Variants in ADAMTS2 observed in about 807,000 individuals in gnomAD.
The protein encoded by ADAMTS2 is A disintegrin and metalloproteinase with thrombospondin motifs 2.
A neutral mutation model predicts 123.0 loss-of-function variants in ADAMTS2; 50 were observed. The ratio of observed to expected loss-of-function variants is 0.41; its 90% CI spans 0.32 to 0.51. The LOEUF (loss-of-function observed/expected upper bound fraction) is 0.51, where lower values mean the gene tolerates loss of function less well. ADAMTS2 is among the 20% of genes least tolerant of loss of function. The pLI, the probability that ADAMTS2 is intolerant of heterozygous loss-of-function variation, is 0.35. For synonymous variants in ADAMTS2, 678 were observed against 695.4 expected, an observed-to-expected ratio of 0.98 and a Z score of 0.39; for missense variants, 1,494 against 1,705.2, an observed-to-expected ratio of 0.88 and a Z score of 2.18.
intron 1 of ADAMTS2, among the ~76,000 whole-genome samples, chr5:179,344,825 G>C (rs1337023552): frequency 6.6e-6 from 1 of 152,030 alleles, no homozygotes; most frequent in Non-Finnish European, 1.5e-5. Flanking sequence ...CTCGGCAGCC[G>C]GCTCCTCCGG....
chr5:179,188,131 A>G lies in ADAMTS2; in HGVS notation c.892-6976T>C, dbSNP rs58332416. On this transcript the variant is annotated intron_variant, in intron 4 of 21. Coordinates refer to ENST00000251582, the MANE Select transcript of ADAMTS2 (RefSeq NM_014244.5). The surrounding 1 kb of genome is among the most constrained non-coding windows in gnomAD (Gnocchi z 5.1). ...AGACAGGCAGGGGCCCTGGAACAGC[A>G]GCCACCCCAACCTTCAGGAAAGTTC... is the stretch of plus-strand genomic sequence containing the variant. Among the ~76,000 whole-genome samples, 2,317 of 152,294 alleles carry G rather than the reference A, an allele frequency of 0.015. 74 individuals are homozygous for G. Among genetic ancestry groups the G allele is most frequent in the African/African-American group, 0.052 (2,176 of 41,570 alleles).
chr5:179,254,416 G>A (rs420652), intron 3 of ADAMTS2, among the ~76,000 whole-genome samples: 1 of 152,168 alleles, frequency 6.6e-6, no homozygotes, highest in African/African-American at 2.4e-5. Context: ...TCTGGGTGCA[G>A]GGTTCCCACT....
At chr5:179,164,045 G>T (rs893665569) in intron 5 of ADAMTS2, among the ~76,000 whole-genome samples, 1 of 152,154 alleles carries the variant, frequency 6.6e-6, no homozygotes, top group Admixed American at 6.5e-5. Flanking sequence ...CCAGCAGGGG[G>T]TACCCCAAGA....
In ADAMTS2 at chr5:179,193,973, C is replaced by A. The variant is rs115050997; in HGVS notation, c.892-12818G>T. On this transcript the variant is annotated intron_variant, in intron 4 of 21. Transcript: ENST00000251582. ...CATCATCGCCTCTGTTCTTGTGGTTCAGCTGTCACCTCCTTGCTGGAGCCT... is the reference window on the plus strand; with the variant it reads ...CATCATCGCCTCTGTTCTTGTGGTTAAGCTGTCACCTCCTTGCTGGAGCCT... 7.5e-3 allele frequency among the ~76,000 whole-genome samples: 1,138 copies of A among 152,310 alleles called. 11 individuals carry two copies. The highest frequency in any genetic ancestry group is 0.011 in the Non-Finnish European group (758 of 68,020).
At chr5:179,164,234 T>G (rs1368318011) in intron 5 of ADAMTS2, among the ~76,000 whole-genome samples, 1 of 152,212 alleles carries the variant, frequency 6.6e-6, no homozygotes, top group Non-Finnish European at 1.5e-5. Context: ...GCAGAGATCT[T>G]GTCCTTGCTG....
intron 2 of ADAMTS2, among the ~76,000 whole-genome samples, chr5:179,287,055 G>A (rs771868096): frequency 1.6e-4 from 25 of 152,286 alleles, no homozygotes; most frequent in Middle Eastern, 3.4e-3. Context: ...TAGGGAGGGC[G>A]TCACTCAGCC....
At chr5:179,298,951 A>G (rs999131721) in intron 2 of ADAMTS2, among the ~76,000 whole-genome samples, 6 of 152,212 alleles carry the variant, frequency 3.9e-5, no homozygotes, top group African/African-American at 1.4e-4. Flanking sequence ...AAATCTTTTT[A>G]AAATGATGAC....
Position 179,345,240 on chromosome 5 carries a change from G to GGCGGCAGGA in ADAMTS2, c.80_88dup (p.Leu27_Pro29dup), listed in dbSNP as rs775509290. The GGCGGCAGGA allele has an allele frequency of 2.2e-3, 2,523 of 1,146,494 alleles. 48 individuals carry two copies. The African/African-American group carries it at 0.038, about 17-fold the overall frequency. The allele number at this position is 1,146,494 out of a possible 1,614,324, so 71.0% of individuals were successfully genotyped here. A position where few individuals can be genotyped will look rare whatever the true frequency, so the allele number is the denominator to read the frequency against. The stretch of plus-strand genomic sequence containing the variant: ...CCTGGCGTTCGCGGGCGGCGGCGGC[G>GGCGGCAGGA]GCGGCAGGAGCGGCGGCGGCAGCAG... On this transcript the variant is annotated inframe_insertion, in exon 1 of 22. Coordinates refer to ENST00000251582, the MANE Select transcript of ADAMTS2 (RefSeq NM_014244.5). This position sits in a 1 kb window ranked among gnomAD's most constrained non-coding sequence, Gnocchi z 7.5.
At position 179,132,429 on chromosome 5, in the gene ADAMTS2, C is replaced by A; in HGVS notation, c.2210-119G>T. 1 of 1,027,166 alleles carries A rather than the reference C, an allele frequency of 9.7e-7. No homozygotes were observed. The highest frequency in any genetic ancestry group is 1.4e-5 in the South Asian group (1 of 73,414). The allele number at this position is 1,027,166 out of a possible 1,614,324, so 63.6% of individuals were successfully genotyped here. ...CTCCTCCGGAGGCTCTCCCAGGACC[C>A]TGGTATTTCTCTGGCTTTGAGGACC... On this transcript the variant is annotated intron_variant, in intron 14 of 21. Coordinates refer to ENST00000251582, the MANE Select transcript of ADAMTS2 (RefSeq NM_014244.5). This position sits in a 1 kb window ranked among gnomAD's most constrained non-coding sequence, Gnocchi z 6.1.
rs368720430 is a variant in ADAMTS2, at chr5:179,154,174, G to C, written c.1257C>G (p.Asp419Glu). The change falls in exon 8 of 22, where the codon GAC becomes GAG. Residue 419 changes from aspartate to glutamate, a missense_variant. Around this residue, in one of 6 missense-constraint regions of ADAMTS2, gnomAD observed 953 missense variants for 1,124.7 expected, o/e 0.85. Coordinates refer to ENST00000251582, the MANE Select transcript of ADAMTS2 (RefSeq NM_014244.5). ...ETGHVLGMEH[D>E]GQGNRCGDEV... ...CGTCGCCACAGCGGTTGCCCTGCCC[G>C]TCGTGCTCCATGCCCAGCCTGCGAG... is the stretch of plus-strand genomic sequence containing the variant. The C allele has an allele frequency of 1.3e-6, 2 of 1,562,338 alleles. No homozygotes were observed. The highest frequency in any genetic ancestry group is 1.7e-6 in the Non-Finnish European group (2 of 1,160,972).
At chr5:179,315,204 C>T (rs1441682972) in intron 2 of ADAMTS2, among the ~76,000 whole-genome samples, 1 of 150,672 alleles carries the variant, frequency 6.6e-6, no homozygotes, top group African/African-American at 2.5e-5. Flanking sequence ...TCCCAAGACA[C>T]GCGTCCACGT....
chr5:179,299,507 C>T (rs1465465570), intron 2 of ADAMTS2, among the ~76,000 whole-genome samples: 5 of 134,776 alleles, frequency 3.7e-5, no homozygotes, highest in Admixed American at 7.8e-5. Context: ...CCAGCCTGGG[C>T]AACAGATCAA....
intron 10 of ADAMTS2, among the ~76,000 whole-genome samples, chr5:179,142,183 A>T (rs1190248636): frequency 6.6e-6 from 1 of 152,214 alleles, no homozygotes; most frequent in Non-Finnish European, 1.5e-5. Context: ...ACTGTCAAAA[A>T]CAACAAGGGT....
intron 5 of ADAMTS2, among the ~76,000 whole-genome samples, chr5:179,164,245 G>A (rs72818610): frequency 0.096 from 14,563 of 152,258 alleles, 812 homozygotes; most frequent in Middle Eastern, 0.18. Context: ...GTCCTTGCTG[G>A]GTCTGGAGCA....
At chr5:179,286,352 A>C (rs777048876) in intron 2 of ADAMTS2, among the ~76,000 whole-genome samples, 2 of 151,536 alleles carry the variant, frequency 1.3e-5, no homozygotes, top group African/African-American at 4.9e-5. Context: ...AGGTCTGCAC[A>C]CACCGCCCCT....
chr5:179,301,089 G>T (rs10464085), intron 2 of ADAMTS2, among the ~76,000 whole-genome samples: 2 of 151,492 alleles, frequency 1.3e-5, no homozygotes, highest in South Asian at 2.1e-4. Flanking sequence ...GGTCCCAGCT[G>T]CAAGAACCGC....
At chr5:179,199,448 T>C (rs1308033768) in intron 4 of ADAMTS2, among the ~76,000 whole-genome samples, 1 of 152,136 alleles carries the variant, frequency 6.6e-6, no homozygotes, top group Admixed American at 6.5e-5. Context: ...CTCCCGTGAG[T>C]GACACCTGCA....
chr5:179,322,602 G>A (rs181145867), intron 2 of ADAMTS2, among the ~76,000 whole-genome samples: 58 of 152,276 alleles, frequency 3.8e-4, no homozygotes, highest in Non-Finnish European at 2.6e-4. Flanking sequence ...TCAAGGCTGC[G>A]CCAGCCACAG....
rs143775304 is a variant in ADAMTS2 at position 179,323,082 on chromosome 5, C to T, written c.534+20685G>A. ...AGTCTCCACAAAACCAAGGAGCCCT[C>T]ACCTGTCTCATGGCTGGCAGGGGCT... On this transcript the variant is annotated intron_variant, in intron 2 of 21. Coordinates refer to ENST00000251582, the MANE Select transcript of ADAMTS2 (RefSeq NM_014244.5). Among the ~76,000 whole-genome samples, 151 of 152,362 alleles carry T rather than the reference C, an allele frequency of 9.9e-4. 5 individuals carry two copies. In the East Asian group the frequency reaches 0.022, roughly 23 times the overall value.
Sources: allele counts gnomAD v4.1 joint callset (sites outside exome capture counted in the v4.1 genomes callset), GRCh38; gene constraint gnomAD v4.1.1; regional missense constraint gnomAD v4.1.1; non-coding constraint Gnocchi (gnomAD v3.1); transcripts MANE v1.5; gene names NCBI Gene and HGNC (gene_info 2026-07-23, HGNC 2026-07-21).